The following INPP4B variants were observed in gnomAD, a reference collection of about 807,000 sequenced individuals.
The protein encoded by INPP4B is inositol polyphosphate-4-phosphatase type II B, also known as inositol polyphosphate 4-phosphatase type II.
Under a neutral mutation model 122.5 loss-of-function variants are expected in INPP4B, and 55 were observed. That is an observed-to-expected ratio of 0.45 (90% CI 0.36 to 0.56). The LOEUF is 0.56. INPP4B is among the 20% of genes least tolerant of loss of function. The pLI is 0.00. For missense variants in INPP4B, 1,000 were observed against 1,097.7 expected (o/e 0.91, Z 1.26); for synonymous variants, 403 against 388.7 (o/e 1.04, Z -0.43).
At chr4:142,655,695 T>C (rs1458031894) in intron 2 of INPP4B, among the ~76,000 whole-genome samples, 6 of 152,256 alleles carry the variant, frequency 3.9e-5, no homozygotes, top group Non-Finnish European at 4.4e-5. Flanking sequence ...CAACATACTG[T>C]AGATTACAAA....
intron 1 of INPP4B, among the ~76,000 whole-genome samples, chr4:142,786,628 C>T (rs1775801447): frequency 6.6e-6 from 1 of 152,036 alleles, no homozygotes; most frequent in Non-Finnish European, 1.5e-5. Context: ...ACACAACACA[C>T]AGTATTTCAG....
At chr4:142,137,767 CA>C (rs1805405820) in intron 18 of INPP4B, among the ~76,000 whole-genome samples, 1 of 150,826 alleles carries the variant, frequency 6.6e-6, no homozygotes, top group Non-Finnish European at 1.5e-5. Flanking sequence ...TTTATGCAGC[CA>C]AAAAACACAT....
chr4:142,812,201 G>GAT (rs1398837284), intron 1 of INPP4B, among the ~76,000 whole-genome samples: 1 of 152,094 alleles, frequency 6.6e-6, no homozygotes, highest in Admixed American at 6.6e-5. Context: ...TCCAGGAAAT[G>GAT]ATATATATCT....
chr4:142,141,942 C>T (rs1808065267), intron 18 of INPP4B, among the ~76,000 whole-genome samples: 2 of 151,912 alleles, frequency 1.3e-5, no homozygotes, highest in Admixed American at 1.3e-4. Context: ...ACATAAATCA[C>T]AATAATCAAA....
intron 5 of INPP4B, among the ~76,000 whole-genome samples, chr4:142,412,336 C>T (rs924169370): frequency 3.9e-5 from 6 of 151,940 alleles, no homozygotes; most frequent in Non-Finnish European, 8.8e-5. Context: ...TCTCCTTTGC[C>T]TTTTTTTGTT....
intron 1 of INPP4B, among the ~76,000 whole-genome samples, chr4:142,781,382 A>C (rs1476182878): frequency 6.6e-6 from 1 of 152,224 alleles, no homozygotes; most frequent in Non-Finnish European, 1.5e-5. Flanking sequence ...TGTACTGCTG[A>C]GAACAGGCTC....
At chr4:142,147,880 T>A (rs1811642476) in intron 17 of INPP4B, among the ~76,000 whole-genome samples, 1 of 152,158 alleles carries the variant, frequency 6.6e-6, no homozygotes, top group East Asian at 1.9e-4. Flanking sequence ...TAAAGGAACC[T>A]CTGAACCATA....
intron 2 of INPP4B, among the ~76,000 whole-genome samples, chr4:142,590,622 C>A (rs555465190): frequency 1.2e-4 from 18 of 152,076 alleles, no homozygotes; most frequent in Admixed American, 7.2e-4. Context: ...GGCTAGAATG[C>A]TCATCTGTTA....
At chr4:142,539,090 A>G (rs1828629379) in intron 2 of INPP4B, among the ~76,000 whole-genome samples, 1 of 149,972 alleles carries the variant, frequency 6.7e-6, no homozygotes, top group African/African-American at 2.4e-5. Flanking sequence ...TTTTATATAT[A>G]TATATATAAA....
At chr4:142,469,033 C>T (rs1272472023) in intron 2 of INPP4B, among the ~76,000 whole-genome samples, 1 of 151,750 alleles carries the variant, frequency 6.6e-6, no homozygotes, top group African/African-American at 2.4e-5. Flanking sequence ...TTTTAAAAAT[C>T]TTATAGTTGT....
intron 2 of INPP4B, among the ~76,000 whole-genome samples, chr4:142,639,105 C>A (rs751951871): frequency 3.3e-5 from 5 of 152,052 alleles, no homozygotes; most frequent in African/African-American, 9.7e-5. Flanking sequence ...GCTGACCTAG[C>A]CTTGTATACG....
At chr4:142,056,679 A>G (rs1314900182) in intron 25 of INPP4B, among the ~76,000 whole-genome samples, 2 of 152,160 alleles carry the variant, frequency 1.3e-5, no homozygotes. Flanking sequence ...AATATCTGGA[A>G]GCAGCTAAGC....
intron 22 of INPP4B, among the ~76,000 whole-genome samples, chr4:142,110,156 C>T (rs777802798): frequency 2.0e-5 from 3 of 152,010 alleles, no homozygotes; most frequent in Non-Finnish European, 2.9e-5. Context: ...TGAGACAGTG[C>T]CTCTAAGGGG....
At chr4:142,429,251 A>G in intron 4 of INPP4B, 34 bp from the exon 5 acceptor site, 1 of 1,193,310 alleles carries the variant, frequency 8.4e-7, no homozygotes, top group Non-Finnish European at 1.2e-6. Flanking sequence ...AGATTTTTAA[A>G]AAATTGAATT....
At chr4:142,345,035 T>C (rs115710205) in intron 7 of INPP4B, among the ~76,000 whole-genome samples, 1,725 of 152,122 alleles carry the variant, frequency 0.011, 14 homozygotes, top group Non-Finnish European at 0.018. Flanking sequence ...AAGTGCACCA[T>C]AAGCACTTCT....
At chr4:142,508,317 C>T (rs113064228) in intron 2 of INPP4B, among the ~76,000 whole-genome samples, 1 of 152,266 alleles carries the variant, frequency 6.6e-6, no homozygotes, top group African/African-American at 2.4e-5. Context: ...AATCACTCTC[C>T]AAGGCTAGAG....
At chr4:142,199,723 G>C (rs1431790133) in intron 14 of INPP4B, among the ~76,000 whole-genome samples, 2 of 151,272 alleles carry the variant, frequency 1.3e-5, no homozygotes, top group African/African-American at 4.9e-5. Context: ...ATGTTCCTCA[G>C]CTTGGGTTTC....
At chr4:142,459,392 C>G (rs1242533665) in intron 3 of INPP4B, among the ~76,000 whole-genome samples, 1 of 149,562 alleles carries the variant, frequency 6.7e-6, no homozygotes, top group Non-Finnish European at 1.5e-5. Context: ...TAAATTTTTG[C>G]ATCAAAAACA....
At chr4:142,536,420 C>T (rs1297281278) in intron 2 of INPP4B, among the ~76,000 whole-genome samples, 2 of 152,086 alleles carry the variant, frequency 1.3e-5, no homozygotes, top group Admixed American at 1.3e-4. Context: ...AGATAAATGA[C>T]CATTAATTCA....
Sources: allele counts gnomAD v4.1 joint callset (sites outside exome capture counted in the v4.1 genomes callset), GRCh38; gene constraint gnomAD v4.1.1; transcripts MANE v1.5; gene names NCBI Gene and HGNC (gene_info 2026-07-23, HGNC 2026-07-21).